Variants in CD38 observed in about 807,000 individuals in gnomAD.
CD38 encodes the protein ADP-ribosyl cyclase/cyclic ADP-ribose hydrolase 1.
CD38 carries 31 observed loss-of-function variants against 36.3 expected under a neutral mutation model. That is an observed-to-expected ratio of 0.85 (90% CI 0.64 to 1.15). CD38 has a LOEUF of 1.15. Ranked by LOEUF, CD38 falls within the 50% of genes most tolerant of loss-of-function variation. The probability of loss-of-function intolerance (pLI) is 0.00; values close to 1 mark genes in which losing one functional copy is unlikely to be tolerated. For missense variants in CD38, 380 were observed against 371.9 expected (o/e 1.02, Z -0.18); for synonymous variants, 131 against 135.2 (o/e 0.97, Z 0.22).
intron 1 of CD38, among the ~76,000 whole-genome samples, chr4:15,794,020 T>C (rs142517911): frequency 6.6e-6 from 1 of 152,386 alleles, no homozygotes; most frequent in East Asian, 1.9e-4. Flanking sequence ...GCAGTTTCAC[T>C]TATCCATGGC....
chr4:15,802,165 A>T (rs925781362), intron 1 of CD38, among the ~76,000 whole-genome samples: 1 of 152,140 alleles, frequency 6.6e-6, no homozygotes, highest in African/African-American at 2.4e-5. Flanking sequence ...AACTATCTGT[A>T]AAAGGAACCC....
At position 15,812,420 on chromosome 4, in the gene CD38, G is replaced by A. The variant is rs557404516; in HGVS notation, c.234-4091G>A. Among the ~76,000 whole-genome samples, 6 of 152,258 alleles carry A rather than the reference G, an allele frequency of 3.9e-5. No homozygotes were observed. The South Asian group carries it at 1.0e-3, about 26-fold the overall frequency. ...CTTAACAATATTAAGTCTTCTGGCC[G>A]GGCACGGTGGCTCACGCCTGTAATC... On this transcript the variant is annotated intron_variant, in intron 1 of 7. Coordinates refer to ENST00000226279, the MANE Select transcript of CD38 (RefSeq NM_001775.4).
chr4:15,839,983 G>C, intron 5 of CD38, 43 bp from the exon 6 acceptor site: 2 of 1,398,536 alleles, frequency 1.4e-6, no homozygotes, highest in East Asian at 4.6e-5. Context: ...GGATGCTTTC[G>C]TTTGGGGTTG....
At chr4:15,826,808 A>G (rs1461673985) in intron 3 of CD38, among the ~76,000 whole-genome samples, 4 of 152,166 alleles carry the variant, frequency 2.6e-5, no homozygotes, top group African/African-American at 9.7e-5. Flanking sequence ...ATCCCCACTA[A>G]CACCAGGTAT....
intron 1 of CD38, among the ~76,000 whole-genome samples, chr4:15,784,586 C>T (rs1385240465): frequency 6.6e-6 from 1 of 152,132 alleles, no homozygotes; most frequent in Non-Finnish European, 1.5e-5. Flanking sequence ...GACAGAATTC[C>T]AGCATGTTTT....
At chr4:15,803,414 G>A (rs112841801) in intron 1 of CD38, among the ~76,000 whole-genome samples, 1 of 152,072 alleles carries the variant, frequency 6.6e-6, no homozygotes, top group Non-Finnish European at 1.5e-5. Flanking sequence ...AATATACAAG[G>A]AACTTAACAG....
intron 1 of CD38, among the ~76,000 whole-genome samples, chr4:15,800,171 T>C (rs1415690841): frequency 6.6e-6 from 1 of 152,232 alleles, no homozygotes. Flanking sequence ...TAAGAGAGTG[T>C]GCTGTTGACC....
intron 1 of CD38, among the ~76,000 whole-genome samples, chr4:15,787,634 A>G (rs966227139): frequency 2.6e-5 from 4 of 152,196 alleles, no homozygotes; most frequent in Non-Finnish European, 5.9e-5. Flanking sequence ...AAAGCGGCAG[A>G]ATGCCACGTC....
At chr4:15,797,234 A>C (rs910585540) in intron 1 of CD38, among the ~76,000 whole-genome samples, 2 of 152,108 alleles carry the variant, frequency 1.3e-5, no homozygotes, top group Non-Finnish European at 2.9e-5. Flanking sequence ...CTACCTAACA[A>C]TATATTTTTG....
At chr4:15,795,602 G>A (rs943967678) in intron 1 of CD38, among the ~76,000 whole-genome samples, 3 of 151,862 alleles carry the variant, frequency 2.0e-5, no homozygotes, top group Non-Finnish European at 2.9e-5. Flanking sequence ...AGAAACCCAC[G>A]ATTTAAAAAA....
intron 1 of CD38, among the ~76,000 whole-genome samples, chr4:15,791,609 CCG>C (rs1722993138): frequency 2.0e-5 from 2 of 101,938 alleles, no homozygotes; most frequent in African/African-American, 1.1e-4. Context: ...GCCAGCCGCC[CCG>C]TCCGGGAGGG....
chr4:15,799,020 T>A (rs1313497176), intron 1 of CD38, among the ~76,000 whole-genome samples: 3 of 152,224 alleles, frequency 2.0e-5, no homozygotes, highest in African/African-American at 7.2e-5. Flanking sequence ...TACTAAAGAT[T>A]TAAATATGAT....
rs193146310 is a variant in CD38, at chr4:15,835,011, C to T, written c.585+709C>T. 1.5e-4 allele frequency among the ~76,000 whole-genome samples: 23 copies of T among 152,188 alleles called. No individual in the cohort carries two copies. In the East Asian group the frequency reaches 3.7e-3, roughly 24 times the overall value. ...GGGGTAATTAACATATCTGTCATCT[C>T]GAACATTTATCATTTCTTTGTGTTG... On this transcript the variant is annotated intron_variant, in intron 4 of 7. Coordinates refer to ENST00000226279, the MANE Select transcript of CD38 (RefSeq NM_001775.4).
At position 15,780,528 on chromosome 4, in the gene CD38, A is replaced by T. The variant is rs796741755; in HGVS notation, c.233+1881A>T. ...ATAATATTCTCTCTCTCACACACAC[A>T]CACACACACACACACACACACACAC... On this transcript the variant is annotated intron_variant, in intron 1 of 7. Transcript: ENST00000226279. Among the ~76,000 whole-genome samples the T allele has an allele frequency of 1.2e-4, 18 of 144,310 alleles. No individual in the cohort carries two copies. In the East Asian group the frequency reaches 1.4e-3, roughly 11 times the overall value. 94.7% of individuals were successfully genotyped at this position (144,310 alleles called of 152,430 possible).
chr4:15,784,781 G>A (rs1025118408), intron 1 of CD38, among the ~76,000 whole-genome samples: 2 of 152,120 alleles, frequency 1.3e-5, no homozygotes, highest in South Asian at 2.1e-4. Flanking sequence ...GTGCAGGCGA[G>A]GCACGGTGGC....
intron 1 of CD38, among the ~76,000 whole-genome samples, chr4:15,802,863 G>A (rs1054589416): frequency 1.2e-4 from 18 of 152,104 alleles, no homozygotes; most frequent in African/African-American, 4.1e-4. Context: ...GCAATTCTGA[G>A]CAAAAAGAAC....
chr4:15,826,457 GCGCA>G (rs1553874519), intron 3 of CD38, among the ~76,000 whole-genome samples: 13 of 89,424 alleles, frequency 1.5e-4, no homozygotes, highest in Admixed American at 2.2e-4. Flanking sequence ...ACACTTTTGT[GCGCA>G]CACACACACA....
chr4:15,840,645 G>A (rs1724186746), intron 7 of CD38, 107 bp downstream of exon 7: 1 of 654,600 alleles, frequency 1.5e-6, no homozygotes, highest in African/African-American at 1.8e-5. Context: ...ATCTTTCTTG[G>A]GCCTTGATGA....
intron 1 of CD38, among the ~76,000 whole-genome samples, chr4:15,784,043 C>T (rs1265347320): frequency 6.6e-6 from 1 of 152,122 alleles, no homozygotes; most frequent in Non-Finnish European, 1.5e-5. Flanking sequence ...ATGCGGAGGA[C>T]CAACCTGGGA....
Sources: gnomAD v4.1 joint callset for allele counts (sites outside exome capture counted in the v4.1 genomes callset) on GRCh38, gnomAD v4.1.1 for gene constraint, MANE v1.5 for transcripts, NCBI Gene and HGNC (gene_info 2026-07-23, HGNC 2026-07-21) for gene names.